Variants in SEC14L5 observed in about 807,000 individuals in gnomAD.
The protein encoded by SEC14L5 is SEC14-like protein 5.
A neutral mutation model predicts 84.6 loss-of-function variants in SEC14L5; 96 were observed. That is an observed-to-expected ratio of 1.13 (90% CI 0.96 to 1.34). The LOEUF (loss-of-function observed/expected upper bound fraction) is 1.34. Among genes scored for constraint, SEC14L5 ranks in the 40% most tolerant of loss-of-function variants. The pLI, the probability that SEC14L5 is intolerant of heterozygous loss-of-function variation, is 0.00. For missense variants in SEC14L5, 1,224 were observed against 942.5 expected (o/e 1.30, Z -3.91); for synonymous variants, 546 against 383.4 (o/e 1.42, Z -4.95).
rs554175148 is a variant in SEC14L5, at chr16:4,964,651, C to T, written c.63+5265C>T. 3.2e-3 allele frequency among the ~76,000 whole-genome samples: 484 copies of T among 152,180 alleles called. 1 individual carries two copies. The highest frequency in any genetic ancestry group is 0.011 in the African/African-American group (462 of 41,542). ...GGCCTCAGCACATTCCCCAATTCTTCTTCTTCACTCCCGACCTCAGGTGAT... is the reference window on the plus strand; with the variant it reads ...GGCCTCAGCACATTCCCCAATTCTTTTTCTTCACTCCCGACCTCAGGTGAT... On this transcript the variant is annotated intron_variant, in intron 2 of 15. Transcript: ENST00000251170.
rs769365066 is a variant in SEC14L5, at chr16:5,008,444, A to G, written c.1596A>G (p.Gly532=). The change falls in exon 14 of 16, where the codon GGA becomes GGG. Residue 532 remains glycine (G), a synonymous_variant. Transcript: ENST00000251170. ...PHEVAVEILE[G]ESVITWDFDI... is the part of the protein sequence containing the mutation. ...AGGTGGCCGTGGAGATCCTGGAAGGAGAGTCGGTCATCACCTGGGACTTTG... is the reference window on the plus strand; with the variant it reads ...AGGTGGCCGTGGAGATCCTGGAAGGGGAGTCGGTCATCACCTGGGACTTTG... 2 of 1,613,108 alleles carry G rather than the reference A, an allele frequency of 1.2e-6. No individual in the cohort carries two copies. Among genetic ancestry groups the G allele is most frequent in the East Asian group, 4.5e-5 (2 of 44,864 alleles).
chr16:4,996,965 G>A lies in SEC14L5; in HGVS notation c.891G>A (p.Val297=), dbSNP rs1285999734. ...TGAGCTGGCGCAAGCAGCACCAGGT[G>A]GATCTCCTCCTTCAGACCTGGCAAC... is the stretch of plus-strand genomic sequence containing the variant. ...QSLSWRKQHQ[V]DLLLQTWQPP... is the part of the protein sequence containing the mutation. The change falls in exon 8 of 16, where the codon GTG becomes GTA. Residue 297 remains valine, a synonymous_variant. Coordinates refer to ENST00000251170, the MANE Select transcript of SEC14L5 (RefSeq NM_014692.2). 4 of 1,613,536 alleles carry A rather than the reference G, an allele frequency of 2.5e-6. No homozygotes were observed. The highest frequency in any genetic ancestry group is 1.7e-5 in the Admixed American group (1 of 59,954).
intron 6 of SEC14L5, among the ~76,000 whole-genome samples, chr16:4,995,991 G>C (rs7198733): frequency 6.6e-6 from 1 of 151,968 alleles, no homozygotes; most frequent in East Asian, 1.9e-4. Context: ...AGAGAGCTCA[G>C]TGAGACCAGG....
At position 4,990,893 on chromosome 16, in the gene SEC14L5, A is replaced by AG; in HGVS notation, c.474+1dup. On this transcript the variant is annotated frameshift_variant and splice_region_variant, in exon 5 of 16. Coordinates refer to ENST00000251170, the MANE Select transcript of SEC14L5 (RefSeq NM_014692.2). LOFTEE classifies it high-confidence loss of function. ...GAAGCAGTACACCGCCAACGTCAAG[A>AG]GGGTAAGCGGTGGGTTGCGTTAGTT... 6.3e-7 allele frequency: 1 copy of AG among 1,589,094 alleles called. No homozygotes were observed. The highest frequency in any genetic ancestry group is 1.1e-5 in the South Asian group (1 of 87,394).
chr16:5,003,206 G>C (rs1465550925), intron 10 of SEC14L5, among the ~76,000 whole-genome samples, 196 bp from the exon 11 acceptor site: 3 of 152,354 alleles, frequency 2.0e-5, no homozygotes, highest in East Asian at 1.9e-4. Flanking sequence ...GTGCAGGTGA[G>C]ACTTGAATTT....
Position 4,987,637 on chromosome 16 carries a change from G to A in SEC14L5, c.144G>A (p.Pro48=), listed in dbSNP as rs1423117795. ...GSEVLRESRS[P]DGAVHVVERS... ...AGGTCTTGCGCGAGTCCCGCAGCCC[G>A]GACGGGGCTGTGCACGTGGTGGAGC... Residue 48 remains proline, a synonymous_variant, in exon 3 of 16, where the codon CCG becomes CCA. Coordinates refer to ENST00000251170, the MANE Select transcript of SEC14L5 (RefSeq NM_014692.2). 3 of 1,555,322 alleles carry A rather than the reference G, an allele frequency of 1.9e-6. No individual in the cohort carries two copies. In the African/African-American group the frequency reaches 4.2e-5, roughly 22 times the overall value.
At chr16:4,986,741 T>C (rs1462028725) in intron 2 of SEC14L5, among the ~76,000 whole-genome samples, 1 of 152,250 alleles carries the variant, frequency 6.6e-6, no homozygotes, top group Non-Finnish European at 1.5e-5. Context: ...GTATACATTT[T>C]ACACTTCTTT....
chr16:4,960,621 G>A (rs987128279), intron 2 of SEC14L5: 3 of 152,154 alleles, frequency 2.0e-5, no homozygotes, highest in African/African-American at 7.2e-5. Context: ...ACTGGCTTAG[G>A]GTCATATTCT....
rs562193127 is a variant in SEC14L5 at position 5,015,789 on chromosome 16, C to G, written c.*819C>G. 6.6e-6 allele frequency: 1 copy of G among 152,398 alleles called. No individual in the cohort carries two copies. Among genetic ancestry groups the G allele is most frequent in the Admixed American group, 6.5e-5 (1 of 15,302 alleles). 9.4% of individuals were successfully genotyped at this position (152,398 alleles called of 1,614,324 possible). On this transcript the variant is annotated 3_prime_UTR_variant, in exon 16 of 16. Transcript: ENST00000251170. Reference sequence around the variant, plus strand: ...GCAGTTAAGTGAGTTACAGGCGCTGCTCTTTGTGGGGAACAGCACATCCTG... The same window carrying G: ...GCAGTTAAGTGAGTTACAGGCGCTGGTCTTTGTGGGGAACAGCACATCCTG...
chr16:4,996,597 T>G (rs2142512729), intron 7 of SEC14L5, 137 bp downstream of exon 7: 2 of 628,402 alleles, frequency 3.2e-6, no homozygotes, highest in East Asian at 5.5e-5. Context: ...TTCATTTATT[T>G]CTGTGAGACA....
At chr16:4,983,445 T>C (rs971323317) in intron 2 of SEC14L5, among the ~76,000 whole-genome samples, 46 of 108,702 alleles carry the variant, frequency 4.2e-4, no homozygotes, top group African/African-American at 1.6e-3. Flanking sequence ...TTATATTCTA[T>C]CTATGTTTAT....
At chr16:4,973,846 C>A (rs977289937) in intron 2 of SEC14L5, among the ~76,000 whole-genome samples, 1 of 151,996 alleles carries the variant, frequency 6.6e-6, no homozygotes, top group Non-Finnish European at 1.5e-5. Flanking sequence ...CCATGCCCAG[C>A]TAATGTTTTG....
chr16:4,962,909 C>T (rs1334785782), intron 2 of SEC14L5, among the ~76,000 whole-genome samples: 1 of 152,158 alleles, frequency 6.6e-6, no homozygotes, highest in Non-Finnish European at 1.5e-5. Context: ...ACGTAACTTG[C>T]ACACTGTGGA....
chr16:4,961,271 TCAACAACAACAACAGCAA>T (rs931510116), intron 2 of SEC14L5, among the ~76,000 whole-genome samples: 12 of 151,428 alleles, frequency 7.9e-5, no homozygotes, highest in African/African-American at 2.7e-4. Context: ...AGACTCCGTC[TCAACAACAACAACAGCAA>T]CAACAACAAC....
intron 9 of SEC14L5, 32 bp from the exon 10 acceptor site, chr16:5,000,822 CG>C: frequency 6.3e-7 from 1 of 1,581,208 alleles, no homozygotes; most frequent in Non-Finnish European, 8.6e-7. Context: ...AGCAGCGAGG[CG>C]GACGTTGAGC....
At chr16:4,977,385 G>A (rs765758594) in intron 2 of SEC14L5, among the ~76,000 whole-genome samples, 9 of 146,512 alleles carry the variant, frequency 6.1e-5, no homozygotes, top group East Asian at 2.0e-4. Context: ...AGGCGGAGGC[G>A]GCAGTGAGCT....
chr16:4,967,728 A>G (rs1420048128), intron 2 of SEC14L5, among the ~76,000 whole-genome samples: 1 of 150,924 alleles, frequency 6.6e-6, no homozygotes, highest in Non-Finnish European at 1.5e-5. Context: ...GCCCGCCACC[A>G]TGCCTGGCTG....
In SEC14L5 at chr16:5,008,534, C is replaced by T; in HGVS notation, c.1686C>T (p.Ala562=). Residue 562 remains alanine, a synonymous_variant, in exon 14 of 16, where the codon GCC becomes GCT. Transcript: ENST00000251170. ...CCAAGCAGGCGCCCAGGCTGGGCGC[C>T]CGGGAACCGGGGACCAGGGCCAGCG... The part of the protein sequence containing the change: ...YHTKQAPRLG[A]REPGTRASGQ... 6.2e-7 allele frequency: 1 copy of T among 1,608,980 alleles called. No individual in the cohort carries two copies. Among genetic ancestry groups the T allele is most frequent in the Non-Finnish European group, 8.5e-7 (1 of 1,178,194 alleles).
At chr16:4,983,923 A>G (rs151331794) in intron 2 of SEC14L5, among the ~76,000 whole-genome samples, 1 of 151,986 alleles carries the variant, frequency 6.6e-6, no homozygotes, top group Non-Finnish European at 1.5e-5. Context: ...TAAATAGTAT[A>G]TGTATACATG....
Sources: gnomAD v4.1 joint callset for allele counts (sites outside exome capture counted in the v4.1 genomes callset) on GRCh38, gnomAD v4.1.1 for gene constraint, MANE v1.5 for transcripts, NCBI Gene and HGNC (gene_info 2026-07-23, HGNC 2026-07-21) for gene names.